The following SHCBP1L variants were observed in gnomAD, a reference collection of about 807,000 sequenced individuals.
The protein encoded by SHCBP1L is testicular spindle-associated protein SHCBP1L.
In SHCBP1L, 67 loss-of-function variants were observed where a neutral mutation model predicts 62.5. The ratio of observed to expected loss-of-function variants is 1.07; its 90% CI spans 0.88 to 1.31. The LOEUF (loss-of-function observed/expected upper bound fraction) is 1.31, where lower values mean the gene tolerates loss of function less well. Ranked by LOEUF, SHCBP1L falls within the 40% of genes most tolerant of loss-of-function variation. The pLI is 0.00. For missense variants in SHCBP1L, 823 were observed against 809.8 expected, an observed-to-expected ratio of 1.02 and a Z score of -0.20; for synonymous variants, 284 against 289.4, an observed-to-expected ratio of 0.98 and a Z score of 0.19.
At chr1:182,935,422 CAAT>C (rs1651134220) in intron 5 of SHCBP1L, among the ~76,000 whole-genome samples, 2 of 151,938 alleles carry the variant, frequency 1.3e-5, no homozygotes, top group South Asian at 2.1e-4. Context: ...GTTCTATTGT[CAAT>C]AATTTTTAAA....
chr1:182,937,680 C>G (rs1448549444), intron 5 of SHCBP1L, among the ~76,000 whole-genome samples: 1 of 152,226 alleles, frequency 6.6e-6, no homozygotes, highest in Non-Finnish European at 1.5e-5. Context: ...AACTGTCCCA[C>G]AGTTCTTGAA....
chr1:182,940,342 A>T lies in SHCBP1L; in HGVS notation c.757T>A (p.Leu253Met). 1 of 1,613,530 alleles carries T rather than the reference A, an allele frequency of 6.2e-7. No homozygotes were observed. The highest frequency in any genetic ancestry group is 8.5e-7 in the Non-Finnish European group (1 of 1,179,772). Residue 253 changes from leucine (L) to methionine (M), a missense_variant, in exon 3 of 10, where the codon TTG (leucine) becomes ATG (methionine). Coordinates refer to ENST00000367547, the MANE Select transcript of SHCBP1L (RefSeq NM_030933.4). ...AGGCCCTAATACCTGACAACTTCCA[A>T]GGCCAAAGCAATAACATGTATATCA... Reference protein sequence around the residue: ...DTDIHVIALALEVVRFFYDFL... With the variant: ...DTDIHVIALAMEVVRFFYDFL...
At chr1:182,920,263 G>C (rs1359508504) in intron 6 of SHCBP1L, among the ~76,000 whole-genome samples, 2 of 152,136 alleles carry the variant, frequency 1.3e-5, no homozygotes, top group Admixed American at 6.6e-5. Context: ...CCTGTGCTGT[G>C]GGCCTGGTAC....
rs140087504 is a variant in SHCBP1L at position 182,929,466 on chromosome 1, C to A, written c.1182+181G>T. Among the ~76,000 whole-genome samples the A allele has an allele frequency of 6.8e-3, 1,039 of 152,248 alleles. 14 individuals carry two copies. Among genetic ancestry groups the A allele is most frequent in the African/African-American group, 0.023 (966 of 41,534 alleles). ...ATAGTACCTGGCTACAAGGTTAGTA[C>A]TCAGTAAATAGTTGTCACCATTTAT... is the stretch of plus-strand genomic sequence containing the variant. On this transcript the variant is annotated intron_variant, in intron 6 of 9. Transcript: ENST00000367547.
At chr1:182,900,286 G>T (rs2101915181) in intron 9 of SHCBP1L, 52 bp from the exon 10 acceptor site, 1 of 1,408,748 alleles carries the variant, frequency 7.1e-7, no homozygotes, top group East Asian at 2.4e-5. Context: ...TTTAAAAAAT[G>T]AAGTAATGAA....
intron 6 of SHCBP1L, among the ~76,000 whole-genome samples, chr1:182,913,215 T>C (rs887867056): frequency 2.0e-5 from 3 of 152,110 alleles, no homozygotes; most frequent in Non-Finnish European, 4.4e-5. Context: ...GTAAACTAAT[T>C]AAACCCAAAA....
intron 7 of SHCBP1L, 100 bp from the exon 8 acceptor site, chr1:182,904,530 TGTGC>T (rs1553243995): frequency 7.1e-5 from 80 of 1,132,732 alleles, no homozygotes; most frequent in Admixed American, 3.3e-4. Context: ...TTTTTCCCTG[TGTGC>T]GTGTGTGTGT....
chr1:182,914,280 TAGAC>T (rs1216221718), intron 6 of SHCBP1L, among the ~76,000 whole-genome samples: 9 of 152,116 alleles, frequency 5.9e-5, no homozygotes, highest in African/African-American at 2.2e-4. Flanking sequence ...TGAAATGAAA[TAGAC>T]AACAGAAGTA....
At chr1:182,901,679 A>G (rs1457867797) in intron 9 of SHCBP1L, among the ~76,000 whole-genome samples, 1 of 152,208 alleles carries the variant, frequency 6.6e-6, no homozygotes, top group African/African-American at 2.4e-5. Context: ...AGCTTGTTAA[A>G]GACCACATTT....
At chr1:182,933,297 T>C (rs1363714016) in intron 5 of SHCBP1L, among the ~76,000 whole-genome samples, 1 of 152,232 alleles carries the variant, frequency 6.6e-6, no homozygotes, top group East Asian at 1.9e-4. Flanking sequence ...TAACTTTACT[T>C]CTTCCTTTCC....
chr1:182,924,722 A>AAGAAAGAAAGAT (rs1650636121), intron 6 of SHCBP1L, among the ~76,000 whole-genome samples: 1 of 72,646 alleles, frequency 1.4e-5, no homozygotes, highest in African/African-American at 1.2e-4. Flanking sequence ...GAAAGAAAGA[A>AAGAAAGAAAGAT]AGAAAGAAAG....
chr1:182,944,121 A>AAAATAAAT (rs147108848), intron 2 of SHCBP1L, among the ~76,000 whole-genome samples: 6,288 of 134,036 alleles, frequency 0.047, 216 homozygotes, highest in African/African-American at 0.071. Flanking sequence ...ACTACTTCTC[A>AAAATAAAT]AAATAAATAA....
At chr1:182,901,369 A>G (rs757826027) in intron 9 of SHCBP1L, among the ~76,000 whole-genome samples, 3 of 152,182 alleles carry the variant, frequency 2.0e-5, no homozygotes, top group Non-Finnish European at 4.4e-5. Flanking sequence ...AGGCAGGAAA[A>G]TCGCTTGAAC....
chr1:182,952,865 TCCG>T lies in SHCBP1L; in HGVS notation c.266_268del (p.Ala89del), dbSNP rs747708113. ...CTCAGGCACTGGCAGCAGGGGCTCC[TCCG>T]CCGCCGCCGCCGCCGCCTCTCCCGT... is the stretch of plus-strand genomic sequence containing the variant. On this transcript the variant is annotated inframe_deletion, in exon 1 of 10. Coordinates refer to ENST00000367547, the MANE Select transcript of SHCBP1L (RefSeq NM_030933.4). The T allele has an allele frequency of 5.2e-3, 8,350 of 1,599,674 alleles. 35 individuals carry two copies. The highest frequency in any genetic ancestry group is 6.1e-3 in the Non-Finnish European group (7,166 of 1,174,242).
At chr1:182,935,125 G>A (rs924134646) in intron 5 of SHCBP1L, among the ~76,000 whole-genome samples, 3 of 151,970 alleles carry the variant, frequency 2.0e-5, no homozygotes, top group Non-Finnish European at 4.4e-5. Context: ...TCTTAAAATC[G>A]AGTAGTATGA....
chr1:182,902,197 A>G (rs12083017), intron 9 of SHCBP1L, among the ~76,000 whole-genome samples: 12,287 of 151,350 alleles, frequency 0.081, 1,328 homozygotes, highest in African/African-American at 0.25. Context: ...CTACAGGCAT[A>G]TGCCACCACG....
At chr1:182,906,031 T>G (rs1297851264) in intron 6 of SHCBP1L, among the ~76,000 whole-genome samples, 2 of 152,096 alleles carry the variant, frequency 1.3e-5, no homozygotes, top group African/African-American at 2.4e-5. Context: ...GCCTCCCGGA[T>G]TCAAGCGATT....
intron 2 of SHCBP1L, among the ~76,000 whole-genome samples, chr1:182,946,809 A>G (rs886762923): frequency 6.6e-6 from 1 of 152,224 alleles, no homozygotes; most frequent in East Asian, 1.9e-4. Flanking sequence ...AGGATTTGAT[A>G]ATTTCTATTT....
intron 6 of SHCBP1L, among the ~76,000 whole-genome samples, chr1:182,925,028 G>GAGGAAGGGAAGGAAGGGA (rs763525943): frequency 2.1e-5 from 3 of 140,024 alleles, no homozygotes; most frequent in African/African-American, 5.7e-5. Context: ...GGAGGAAGGG[G>GAGGAAGGGAAGGAAGGGA]AGGAAGGGAA....
Sources: allele counts gnomAD v4.1 joint callset (sites outside exome capture counted in the v4.1 genomes callset), GRCh38; gene constraint gnomAD v4.1.1; transcripts MANE v1.5; gene names NCBI Gene and HGNC (gene_info 2026-07-23, HGNC 2026-07-21).